LPP: variants seen among roughly 807,000 people sequenced by gnomAD.
The protein encoded by LPP is lipoma-preferred partner.
In LPP, 38 loss-of-function variants were observed where a neutral mutation model predicts 60.4. The ratio of observed to expected loss-of-function variants is 0.63; its 90% CI spans 0.49 to 0.83. The LOEUF is 0.83. LPP is among the 40% of genes least tolerant of loss of function. LPP has a pLI of 0.00. For synonymous variants in LPP, 328 were observed against 290.8 expected (o/e 1.13, Z -1.30); for missense variants, 902 against 783.6 (o/e 1.15, Z -1.80).
At chr3:188,870,483 G>A (rs1767819238) in intron 10 of LPP, among the ~76,000 whole-genome samples, 1 of 152,172 alleles carries the variant, frequency 6.6e-6, no homozygotes, top group South Asian at 2.1e-4. Flanking sequence ...AATACAAGAT[G>A]ACCAAGATCA....
At chr3:188,658,442 AAC>A (rs1202166332) in intron 7 of LPP, among the ~76,000 whole-genome samples, 1 of 152,068 alleles carries the variant, frequency 6.6e-6, no homozygotes, top group Non-Finnish European at 1.5e-5. Context: ...TAATACATGC[AAC>A]TGGCTTAACA....
intron 8 of LPP, among the ~76,000 whole-genome samples, chr3:188,731,134 C>T (rs1720315456): frequency 6.6e-6 from 1 of 152,202 alleles, no homozygotes; most frequent in African/African-American, 2.4e-5. Context: ...AGGCATTACG[C>T]TGCCTGTGAC....
chr3:188,874,605 G>A lies in LPP; in HGVS notation c.*126G>A. The A allele has an allele frequency of 1.9e-6, 2 of 1,070,700 alleles. No individual in the cohort carries two copies. Among genetic ancestry groups the A allele is most frequent in the Non-Finnish European group, 2.6e-6 (2 of 764,594 alleles). The allele number at this position is 1,070,700 out of a possible 1,614,324, so 66.3% of individuals were successfully genotyped here. On this transcript the variant is annotated 3_prime_UTR_variant, in exon 12 of 12. Transcript: ENST00000617246. ...TTCATCTGCTATTAACCTTGCCTTA[G>A]AAACACATAAATTATGAGATTTTTT...
At chr3:188,368,560 G>T (rs1448627850) in intron 3 of LPP, among the ~76,000 whole-genome samples, 1 of 151,964 alleles carries the variant, frequency 6.6e-6, no homozygotes, top group Non-Finnish European at 1.5e-5. Context: ...TAAAGTCAAG[G>T]TCTCTTACTT....
Position 188,609,101 on chromosome 3 carries a change from T to G in LPP, c.430-60T>G. The G allele has an allele frequency of 1.7e-5, 20 of 1,205,088 alleles. No individual in the cohort carries two copies. The highest frequency in any genetic ancestry group is 2.3e-5 in the East Asian group (1 of 42,592). 74.6% of individuals were successfully genotyped at this position (1,205,088 alleles called of 1,614,324 possible). A position where few individuals can be genotyped will look rare whatever the true frequency, so the allele number is the denominator to read the frequency against. On this transcript the variant is annotated intron_variant, in intron 6 of 11. Transcript: ENST00000617246. This position sits in a 1 kb window ranked among gnomAD's most constrained non-coding sequence, Gnocchi z 6.9. ...ATATTTTTCATTTATTCATTTTTAT[T>G]GAGTTTCGTTGGCAGTAATTTTTGC...
At chr3:188,328,353 C>A (rs1759037242) in intron 2 of LPP, among the ~76,000 whole-genome samples, 1 of 152,154 alleles carries the variant, frequency 6.6e-6, no homozygotes, top group Admixed American at 6.5e-5. Context: ...AAACACTGAT[C>A]ATTTCATTCT....
intron 5 of LPP, among the ~76,000 whole-genome samples, chr3:188,485,445 A>C (rs1404959967): frequency 6.6e-6 from 1 of 152,222 alleles, no homozygotes; most frequent in Non-Finnish European, 1.5e-5. Context: ...GCATAGATAC[A>C]TTGAAGAAAA....
At position 188,888,648 on chromosome 3, in the gene LPP, G is replaced by A. The variant is rs1770943814; in HGVS notation, c.*14169G>A. On this transcript the variant is annotated 3_prime_UTR_variant, in exon 12 of 12. Transcript: ENST00000617246. ...AGTGCCTATTCTGAGCAACATAAACGTTATTCCTTACATATGTATGTACAC... is the reference window on the plus strand; with the variant it reads ...AGTGCCTATTCTGAGCAACATAAACATTATTCCTTACATATGTATGTACAC... 1 of 221,896 alleles carries A rather than the reference G, an allele frequency of 4.5e-6. No individual in the cohort carries two copies. The highest frequency in any genetic ancestry group is 9.0e-6 in the Non-Finnish European group (1 of 110,796). 13.7% of individuals were successfully genotyped at this position (221,896 alleles called of 1,614,324 possible). A position where few individuals can be genotyped will look rare whatever the true frequency, so the allele number is the denominator to read the frequency against.
At chr3:188,511,200 TTCCCTCCCTTCC>T (rs1303447703) in intron 5 of LPP, among the ~76,000 whole-genome samples, 1 of 99,878 alleles carries the variant, frequency 1.0e-5, no homozygotes, top group Admixed American at 1.1e-4. Context: ...CCCTCCCTCC[TTCCCTCCCTTCC>T]TCCCTTCCTT....
At chr3:188,655,053 G>A (rs907394431) in intron 7 of LPP, among the ~76,000 whole-genome samples, 9 of 152,172 alleles carry the variant, frequency 5.9e-5, no homozygotes, top group Admixed American at 4.6e-4. Context: ...TATTAATCAG[G>A]TGAATGCATA....
chr3:188,818,228 A>T (rs1261169587), intron 9 of LPP, among the ~76,000 whole-genome samples: 1 of 152,180 alleles, frequency 6.6e-6, no homozygotes, highest in Non-Finnish European at 1.5e-5. Context: ...CTTCTAATTA[A>T]TCCTCCTTTT....
intron 4 of LPP, among the ~76,000 whole-genome samples, chr3:188,461,667 G>C (rs1306422141): frequency 6.6e-6 from 1 of 152,118 alleles, no homozygotes; most frequent in Non-Finnish European, 1.5e-5. Context: ...AATTTATTAA[G>C]TATTTTTAAT....
intron 10 of LPP, among the ~76,000 whole-genome samples, chr3:188,870,642 T>A (rs1578083172): frequency 6.6e-6 from 1 of 152,234 alleles, no homozygotes; most frequent in East Asian, 1.9e-4. Flanking sequence ...AATGGTAGCT[T>A]TAATCATCGA....
At chr3:188,399,503 T>C (rs1781737736) in intron 3 of LPP, among the ~76,000 whole-genome samples, 1 of 152,238 alleles carries the variant, frequency 6.6e-6, no homozygotes. Flanking sequence ...AGTCAAATAG[T>C]CCCTCAGTTC....
intron 9 of LPP, among the ~76,000 whole-genome samples, chr3:188,773,778 G>A (rs547397664): frequency 1.3e-5 from 2 of 152,102 alleles, no homozygotes; most frequent in South Asian, 2.1e-4. Flanking sequence ...ACATGTACAC[G>A]TAGTTTCTCC....
chr3:188,407,079 TA>T (rs5855193), intron 4 of LPP, among the ~76,000 whole-genome samples: 72,634 of 143,532 alleles, frequency 0.51, 17,598 homozygotes, highest in East Asian at 0.64. Context: ...TAACTTAAAA[TA>T]AAAAAAAAAA....
intron 4 of LPP, among the ~76,000 whole-genome samples, chr3:188,425,797 C>T (rs950885899): frequency 6.6e-6 from 1 of 151,802 alleles, no homozygotes; most frequent in Non-Finnish European, 1.5e-5. Context: ...TGGTGATATC[C>T]CCTTTATCAT....
At chr3:188,199,252 G>A (rs1203907041) in intron 1 of LPP, among the ~76,000 whole-genome samples, 1 of 152,184 alleles carries the variant, frequency 6.6e-6, no homozygotes, top group Non-Finnish European at 1.5e-5. Flanking sequence ...GCAGGTGCAG[G>A]AAGAAGCTGT....
At chr3:188,214,934 G>A (rs1472474310) in intron 1 of LPP, among the ~76,000 whole-genome samples, 1 of 152,154 alleles carries the variant, frequency 6.6e-6, no homozygotes, top group Non-Finnish European at 1.5e-5. Flanking sequence ...CTGCCTTTGA[G>A]TAGGAACTAT....
Sources: gnomAD v4.1 joint callset for allele counts (sites outside exome capture counted in the v4.1 genomes callset) on GRCh38, gnomAD v4.1.1 for gene constraint, Gnocchi (gnomAD v3.1) non-coding constraint, MANE v1.5 for transcripts, NCBI Gene and HGNC (gene_info 2026-07-23, HGNC 2026-07-21) for gene names.